PRTN3: variants seen among roughly 807,000 people sequenced by gnomAD.
PRTN3 encodes the protein proteinase 3.
In PRTN3, 22 loss-of-function variants were observed where a neutral mutation model predicts 20.7. That is an observed-to-expected ratio of 1.06 (90% confidence interval 0.76 to 1.52). The LOEUF (loss-of-function observed/expected upper bound fraction) is 1.52. PRTN3 is among the 40% of genes most tolerant of loss of function. PRTN3 has a pLI of 0.00. For synonymous variants in PRTN3, 173 were observed against 152.9 expected, an observed-to-expected ratio of 1.13 and a Z score of -0.97; for missense variants, 378 against 359.6, an observed-to-expected ratio of 1.05 and a Z score of -0.41.
rs1420264889 is a variant in PRTN3, at chr19:848,133, C to G, written c.*164C>G. The stretch of plus-strand genomic sequence containing the variant: ...CGGGGCTCCGGGAGACAGGCCGGCC[C>G]TGCACCTCACCCCACCGTGACCTCA... On this transcript the variant is annotated 3_prime_UTR_variant, in exon 5 of 5. Transcript: ENST00000234347. The G allele has an allele frequency of 9.8e-6, 8 of 820,062 alleles. No homozygotes were observed. In the Admixed American group the frequency reaches 2.3e-4, roughly 24 times the overall value. 50.8% of individuals were successfully genotyped at this position (820,062 alleles called of 1,614,324 possible). A position where few individuals can be genotyped will look rare whatever the true frequency, so the allele number is the denominator to read the frequency against.
In PRTN3 at chr19:847,902, G is replaced by T; in HGVS notation, c.704G>T (p.Arg235Leu). ...CGCCTTTTCCCTGACTTCTTCACGC[G>T]GGTAGCCCTCTACGTGGACTGGATC... ...ATRLFPDFFT[R>L]VALYVDWIRS... Residue 235 changes from arginine (R) to leucine (L), a missense_variant, in exon 5 of 5, where the codon CGG (arginine) becomes CTG (leucine). Physicochemically the swap from Arg to Leu is moderately radical, Grantham distance 102. Coordinates refer to ENST00000234347, the MANE Select transcript of PRTN3 (RefSeq NM_002777.4). 6.2e-7 allele frequency: 1 copy of T among 1,608,352 alleles called. No homozygotes were observed. Among genetic ancestry groups the T allele is most frequent in the Non-Finnish European group, 8.5e-7 (1 of 1,177,338 alleles).
Position 843,519 on chromosome 19 carries a change from C to A in PRTN3, c.120C>A (p.Pro40=). ...ACGAGGCGCAGCCACACTCCCGGCC[C>A]TACATGGCCTCCCTGCAGATGCGGG... ...GGHEAQPHSR[P]YMASLQMRGN... Residue 40 remains proline, a synonymous_variant, in exon 2 of 5, where the codon CCC becomes CCA. Transcript: ENST00000234347. 1 of 1,591,270 alleles carries A rather than the reference C, an allele frequency of 6.3e-7. No homozygotes were observed. The highest frequency in any genetic ancestry group is 2.3e-5 in the East Asian group (1 of 44,008).
intron 1 of PRTN3, among the ~76,000 whole-genome samples, chr19:841,984 C>T (rs2035450036): frequency 6.6e-6 from 1 of 151,634 alleles, no homozygotes; most frequent in Non-Finnish European, 1.5e-5. Flanking sequence ...GCCTCAGCCT[C>T]CCAAAGTGCT....
rs2035480993 is a variant in PRTN3, at chr19:843,989, CAACTACGACGCGGAGAACA to C, written c.329_347del (p.Tyr110Ter). 15 of 1,606,124 alleles carry C rather than the reference CAACTACGACGCGGAGAACA, an allele frequency of 9.3e-6. No homozygotes were observed. The highest frequency in any genetic ancestry group is 1.3e-5 in the Non-Finnish European group (15 of 1,176,990). On this transcript the variant is annotated frameshift_variant, in exon 3 of 5. Transcript: ENST00000234347. LOFTEE classifies it high-confidence loss of function. The stretch of plus-strand genomic sequence containing the variant: ...TCTCGGTGGCTCAGGTGTTTCTGAA[CAACTACGACGCGGAGAACA>C]AACTGAACGACGTTCTCCTCATCCA...
chr19:843,953 C>T lies in PRTN3; in HGVS notation c.288C>T (p.Thr96=). ...ACAACGTGCGGACGCAGGAGCCCAC[C>T]CAGCAGCACTTCTCGGTGGCTCAGG... The part of the protein sequence containing the change: ...GAHNVRTQEP[T]QQHFSVAQVF... The change falls in exon 3 of 5, where the codon ACC becomes ACT. Residue 96 remains threonine, a synonymous_variant. Coordinates refer to ENST00000234347, the MANE Select transcript of PRTN3 (RefSeq NM_002777.4). 6.2e-7 allele frequency: 1 copy of T among 1,602,492 alleles called. No individual in the cohort carries two copies. Among genetic ancestry groups the T allele is most frequent in the Non-Finnish European group, 8.5e-7 (1 of 1,175,340 alleles).
rs986638283 is a variant in PRTN3 at position 847,979 on chromosome 19, C to A, written c.*10C>A. The A allele has an allele frequency of 5.7e-6, 9 of 1,592,716 alleles. No homozygotes were observed. Among genetic ancestry groups the A allele is most frequent in the South Asian group, 2.3e-5 (2 of 88,428 alleles). ...CAAGGGCCGCCCCTGAACCGCCCCT[C>A]CCACAGCGCTGGCCGGGACCCCGAG... On this transcript the variant is annotated 3_prime_UTR_variant, in exon 5 of 5. Coordinates refer to ENST00000234347, the MANE Select transcript of PRTN3 (RefSeq NM_002777.4).
At chr19:841,208 G>C in intron 1 of PRTN3, 139 bp downstream of exon 1, 1 of 1,164,070 alleles carries the variant, frequency 8.6e-7, no homozygotes, top group Non-Finnish European at 1.2e-6. Context: ...TCCACTCACT[G>C]CTCGGGACCA....
chr19:844,760 T>C (rs2035495522), intron 3 of PRTN3, among the ~76,000 whole-genome samples: 1 of 151,372 alleles, frequency 6.6e-6, no homozygotes, highest in Non-Finnish European at 1.5e-5. Context: ...TTGTTCGTTA[T>C]TGGACTCATG....
chr19:842,854 T>C (rs2035463524), intron 1 of PRTN3, among the ~76,000 whole-genome samples: 1 of 151,996 alleles, frequency 6.6e-6, no homozygotes, highest in African/African-American at 2.4e-5. Context: ...TCCCAAAGTA[T>C]TGGGATTACA....
At chr19:843,354 G>A (rs1292531553) in intron 1 of PRTN3, 107 bp from the exon 2 acceptor site, 6 of 1,240,090 alleles carry the variant, frequency 4.8e-6, no homozygotes, top group South Asian at 3.2e-5. Context: ...CACTGACCGG[G>A]TTGCAGATCG....
Position 841,020 on chromosome 19 carries a change from G to GC in PRTN3, c.18dup (p.Ser7GlnfsTer180). 2 of 1,608,838 alleles carry GC rather than the reference G, an allele frequency of 1.2e-6. No individual in the cohort carries two copies. Among genetic ancestry groups the GC allele is most frequent in the Non-Finnish European group, 1.7e-6 (2 of 1,179,700 alleles). ...CCCTGGACCCCACCATGGCTCACCG[G>GC]CCCCCCAGCCCTGCCCTGGCGTCCG... On this transcript the variant is annotated frameshift_variant, in exon 1 of 5. Transcript: ENST00000234347. LOFTEE classifies it high-confidence loss of function.
intron 4 of PRTN3, among the ~76,000 whole-genome samples, chr19:846,983 T>C (rs1159569550): frequency 1.3e-5 from 2 of 152,052 alleles, no homozygotes; most frequent in African/African-American, 2.4e-5. Context: ...TGGCATCAAG[T>C]GATGCCTGGC....
At position 846,417 on chromosome 19, in the gene PRTN3, T is replaced by G. The variant is rs574718521; in HGVS notation, c.600+40T>G. ...CCCCACCCCGGGCACCGGGCTGCCA[T>G]GAGGGGAGGAGGGCGGCGGCCAGGG... On this transcript the variant is annotated intron_variant, in intron 4 of 4. Transcript: ENST00000234347. 15 of 1,534,662 alleles carry G rather than the reference T, an allele frequency of 9.8e-6. No individual in the cohort carries two copies. The South Asian group carries it at 1.6e-4, about 16-fold the overall frequency.
intron 1 of PRTN3, among the ~76,000 whole-genome samples, chr19:842,318 ATTT>A (rs112350346): frequency 0.18 from 21,511 of 121,288 alleles, 2,044 homozygotes; most frequent in East Asian, 0.3. Flanking sequence ...TTGTTGGCTG[ATTT>A]TTTTTTTTTT....
chr19:843,778 C>A, intron 2 of PRTN3, 115 bp from the exon 3 acceptor site: 2 of 1,453,914 alleles, frequency 1.4e-6, no homozygotes, highest in Non-Finnish European at 1.8e-6. Flanking sequence ...GGGGGAGGCC[C>A]GGGGCAGGGT....
chr19:847,900 G>A lies in PRTN3; in HGVS notation c.702G>A (p.Thr234=), dbSNP rs750289977. Residue 234 remains threonine, a synonymous_variant, in exon 5 of 5, where the codon ACG becomes ACA. Transcript: ENST00000234347. ...CCCGCCTTTTCCCTGACTTCTTCAC[G>A]CGGGTAGCCCTCTACGTGGACTGGA... ...CATRLFPDFF[T]RVALYVDWIR... The A allele has an allele frequency of 7.5e-6, 12 of 1,608,400 alleles. No homozygotes were observed. The highest frequency in any genetic ancestry group is 6.7e-5 in the African/African-American group (5 of 74,888).
intron 4 of PRTN3, 24 bp downstream of exon 4, chr19:846,401 G>A (rs375881546): frequency 1.6e-5 from 24 of 1,544,790 alleles, no homozygotes; most frequent in South Asian, 3.6e-5. Context: ...CCCCCACCCC[G>A]GGCACCGGGC....
chr19:844,103 G>T, intron 3 of PRTN3, 69 bp downstream of exon 3: 3 of 1,514,582 alleles, frequency 2.0e-6, no homozygotes, highest in Non-Finnish European at 2.7e-6. Context: ...CATTCCTGCA[G>T]CCAGCATTCA....
At position 848,013 on chromosome 19, in the gene PRTN3, C is replaced by T. The variant is rs763719453; in HGVS notation, c.*44C>T. The T allele has an allele frequency of 8.8e-5, 137 of 1,557,488 alleles. No individual in the cohort carries two copies. Among genetic ancestry groups the T allele is most frequent in the Non-Finnish European group, 1.1e-4 (131 of 1,153,416 alleles). The stretch of plus-strand genomic sequence containing the variant: ...CTGGCCGGGACCCCGAGCCTGGCTC[C>T]AAACCCTCGAGGCGGATCTTTGGAC... On this transcript the variant is annotated 3_prime_UTR_variant, in exon 5 of 5. Coordinates refer to ENST00000234347, the MANE Select transcript of PRTN3 (RefSeq NM_002777.4).
Sources: allele counts gnomAD v4.1 joint callset (sites outside exome capture counted in the v4.1 genomes callset), GRCh38; gene constraint gnomAD v4.1.1; transcripts MANE v1.5; gene names NCBI Gene and HGNC (gene_info 2026-07-23, HGNC 2026-07-21).